Variants in POFUT3 observed in about 807,000 individuals in gnomAD.
POFUT3 encodes protein O-fucosyltransferase 3.
the POFUT3 span, among the ~76,000 whole-genome samples, chr8:33,396,127 T>C: frequency 1.5e-4 from 23 of 152,118 alleles, no homozygotes; most frequent in Non-Finnish European, 8.8e-5. Context: ...CTGGGAGTGC[T>C]GGCTAGAGAG....
At chr8:33,355,704 G>A in the POFUT3 span, among the ~76,000 whole-genome samples, 1 of 151,662 alleles carries the variant, frequency 6.6e-6, no homozygotes, top group East Asian at 1.9e-4. Context: ...AAGTTTTAGG[G>A]TACATGTGCA....
chr8:33,431,678 T>C, the POFUT3 span, among the ~76,000 whole-genome samples: 2 of 150,764 alleles, frequency 1.3e-5, no homozygotes, highest in Admixed American at 6.7e-5. Flanking sequence ...CAAAACATTC[T>C]TGGAAACTTT....
the POFUT3 span, among the ~76,000 whole-genome samples, chr8:33,320,416 G>T: frequency 6.6e-6 from 1 of 151,926 alleles, no homozygotes; most frequent in Non-Finnish European, 1.5e-5. Flanking sequence ...TGTTGACCAA[G>T]TTTAAATTCT....
At chr8:33,337,647 GAATGT>G in the POFUT3 span, among the ~76,000 whole-genome samples, 1 of 152,108 alleles carries the variant, frequency 6.6e-6, no homozygotes, top group Non-Finnish European at 1.5e-5. Flanking sequence ...GAAACCAAAG[GAATGT>G]AAAAGAGTAC....
At chr8:33,382,078 A>G in the POFUT3 span, among the ~76,000 whole-genome samples, 1 of 152,138 alleles carries the variant, frequency 6.6e-6, no homozygotes, top group Non-Finnish European at 1.5e-5. Flanking sequence ...ACATTGCTTG[A>G]GCTAAGGACT....
chr8:33,453,386 G>T, the POFUT3 span: 2 of 1,614,054 alleles, frequency 1.2e-6, no homozygotes, highest in Non-Finnish European at 1.7e-6. Context: ...CCTGTTGAAG[G>T]TCAATCCTTC....
the POFUT3 span, among the ~76,000 whole-genome samples, chr8:33,453,789 A>G: frequency 1.3e-5 from 2 of 152,112 alleles, no homozygotes; most frequent in Non-Finnish European, 2.9e-5. Flanking sequence ...CTACTAAAAA[A>G]TACAAAAATT....
At chr8:33,462,661 G>A in the POFUT3 span, among the ~76,000 whole-genome samples, 2,149 of 152,308 alleles carry the variant, frequency 0.014, 24 homozygotes, top group Non-Finnish European at 0.022. Context: ...CAGGTACAGT[G>A]GCTCATACCT....
the POFUT3 span, chr8:33,451,817 A>G: frequency 6.6e-6 from 1 of 152,172 alleles, no homozygotes; most frequent in Non-Finnish European, 1.5e-5. Context: ...CAACGGAGAA[A>G]CAGGCACTTT....
At chr8:33,402,972 A>G in the POFUT3 span, among the ~76,000 whole-genome samples, 1 of 151,910 alleles carries the variant, frequency 6.6e-6, no homozygotes, top group Non-Finnish European at 1.5e-5. Context: ...GTGGTGGAAG[A>G]ATCACTTAAG....
At chr8:33,379,912 C>CTA in the POFUT3 span, among the ~76,000 whole-genome samples, 2,458 of 108,496 alleles carry the variant, frequency 0.023, 196 homozygotes, top group African/African-American at 0.098. Flanking sequence ...TATATATATG[C>CTA]TATATATATA....
the POFUT3 span, among the ~76,000 whole-genome samples, chr8:33,367,192 C>A: frequency 3.9e-4 from 59 of 152,350 alleles, no homozygotes; most frequent in African/African-American, 1.4e-3. Context: ...GTGACATGTT[C>A]ATGATGGCCA....
At chr8:33,443,815 A>G in the POFUT3 span, among the ~76,000 whole-genome samples, 5 of 152,028 alleles carry the variant, frequency 3.3e-5, no homozygotes, top group Non-Finnish European at 5.9e-5. Context: ...AGTTTCATGC[A>G]TGCAATCATT....
chr8:33,312,914 C>T, the POFUT3 span, among the ~76,000 whole-genome samples: 4 of 152,272 alleles, frequency 2.6e-5, no homozygotes, highest in East Asian at 7.7e-4. Flanking sequence ...ATGAGACATG[C>T]ATACCACCCT....
chr8:33,455,524 A>C, the POFUT3 span, among the ~76,000 whole-genome samples: 1 of 151,926 alleles, frequency 6.6e-6, no homozygotes, highest in African/African-American at 2.4e-5. Flanking sequence ...ACTCCATCTC[A>C]ACAAAAAAAC....
the POFUT3 span, among the ~76,000 whole-genome samples, chr8:33,317,967 C>A: frequency 6.6e-6 from 1 of 152,070 alleles, no homozygotes; most frequent in South Asian, 2.1e-4. Context: ...GTAAATTATC[C>A]CTTTTGTGCA....
the POFUT3 span, among the ~76,000 whole-genome samples, chr8:33,404,694 G>C: frequency 6.6e-6 from 1 of 151,714 alleles, no homozygotes; most frequent in African/African-American, 2.4e-5. Context: ...CATTTGGAAA[G>C]TCTGCATACT....
At chr8:33,361,325 T>A in the POFUT3 span, 1 of 152,194 alleles carries the variant, frequency 6.6e-6, no homozygotes, top group Admixed American at 6.6e-5. Context: ...GAATAAACAC[T>A]GGTATAAAAA....
At chr8:33,419,601 C>T in the POFUT3 span, among the ~76,000 whole-genome samples, 1 of 152,084 alleles carries the variant, frequency 6.6e-6, no homozygotes, top group African/African-American at 2.4e-5. Context: ...GTTGGGAACC[C>T]GTCCCTTAAA....
Sources: gnomAD v4.1 joint callset for allele counts (sites outside exome capture counted in the v4.1 genomes callset) on GRCh38, gnomAD v4.1.1 for gene constraint, MANE v1.5 for transcripts, NCBI Gene and HGNC (gene_info 2026-07-23, HGNC 2026-07-21) for gene names.